PLB1: variants seen among roughly 807,000 people sequenced by gnomAD.
The protein encoded by PLB1 is phospholipase B1.
In PLB1, 242 loss-of-function variants were observed where a neutral mutation model predicts 227.4. The observed-to-expected ratio is 1.06, with a 90% confidence interval of 0.96 to 1.18. The LOEUF (loss-of-function observed/expected upper bound fraction) is 1.18. Among genes scored for constraint, PLB1 ranks in the 50% most tolerant of loss-of-function variants. PLB1 has a pLI of 0.00. For synonymous variants in PLB1, 757 were observed against 682.2 expected, an observed-to-expected ratio of 1.11 and a Z score of -1.71; for missense variants, 1,858 against 1,816.3, an observed-to-expected ratio of 1.02 and a Z score of -0.42.
At chr2:28,543,004 C>T (rs1192567151) in intron 13 of PLB1, among the ~76,000 whole-genome samples, 1 of 152,156 alleles carries the variant, frequency 6.6e-6, no homozygotes, top group Non-Finnish European at 1.5e-5. Flanking sequence ...CCTGACGTGC[C>T]ACCTGCTCCT....
chr2:28,505,860 A>G (rs2148160744), intron 1 of PLB1, among the ~76,000 whole-genome samples: 1 of 152,284 alleles, frequency 6.6e-6, no homozygotes, highest in Non-Finnish European at 1.5e-5. Context: ...TTGGTGGCAT[A>G]GCCATCCCCG....
chr2:28,565,345 G>A lies in PLB1; in HGVS notation c.1272G>A (p.Leu424=), dbSNP rs2148242019. 6.2e-7 allele frequency: 1 copy of A among 1,607,412 alleles called. No homozygotes were observed. The highest frequency in any genetic ancestry group is 8.5e-7 in the Non-Finnish European group (1 of 1,177,192). The part of the protein sequence containing the change: ...VLDVLTQYRG[L]SWSVGGDENI... Reference sequence around the variant, plus strand: ...ACGTCTTGACTCAGTACCGAGGCCTGTCCTGGAGGTGAGTGAGGGTGTGGC... The same window carrying A: ...ACGTCTTGACTCAGTACCGAGGCCTATCCTGGAGGTGAGTGAGGGTGTGGC... Residue 424 remains leucine, a synonymous_variant, in exon 19 of 58, where the codon CTG becomes CTA. Transcript: ENST00000327757.
Position 28,590,002 on chromosome 2 carries a change from TAGCTGG to T in PLB1, c.2018_2023del (p.Leu673_Glu674del), listed in dbSNP as rs1320468605. On this transcript the variant is annotated splice_acceptor_variant and coding_sequence_variant, in exon 29 of 58. Transcript: ENST00000327757. LOFTEE classifies it high-confidence loss of function. Reference sequence around the variant, plus strand: ...CTCCCCATCTCCCTGCTTCTTTGTTTAGCTGGAGCCTGTTGGCCAGAAGACGACTCG... The same window carrying T: ...CTCCCCATCTCCCTGCTTCTTTGTTTAGCCTGTTGGCCAGAAGACGACTCG... 6.2e-7 allele frequency: 1 copy of T among 1,613,088 alleles called. No individual in the cohort carries two copies. The highest frequency in any genetic ancestry group is 1.1e-5 in the South Asian group (1 of 91,060).
chr2:28,539,282 A>G (rs1250316186), intron 11 of PLB1, 104 bp downstream of exon 11: 7 of 1,067,298 alleles, frequency 6.6e-6, no homozygotes, highest in Non-Finnish European at 1.0e-5. Context: ...AGCCCTAAAG[A>G]ACAGAGGCCA....
At chr2:28,498,766 A>G (rs116747207) in intron 1 of PLB1, among the ~76,000 whole-genome samples, 177 of 152,322 alleles carry the variant, frequency 1.2e-3, no homozygotes, top group African/African-American at 4.1e-3. Context: ...GTAGCTTTAT[A>G]TTAACTTCTG....
intron 6 of PLB1, among the ~76,000 whole-genome samples, chr2:28,527,185 C>T (rs1558673323): frequency 6.6e-6 from 1 of 152,206 alleles, no homozygotes; most frequent in Non-Finnish European, 1.5e-5. Flanking sequence ...CTCAGTTCGT[C>T]TCAATTTTTC....
chr2:28,543,798 A>C (rs1258855530), intron 14 of PLB1, among the ~76,000 whole-genome samples: 2 of 152,186 alleles, frequency 1.3e-5, no homozygotes, highest in African/African-American at 4.8e-5. Flanking sequence ...CAACATATCT[A>C]GCGCGCAGCT....
At chr2:28,607,119 A>C (rs1357841188) in intron 43 of PLB1, among the ~76,000 whole-genome samples, 1 of 152,070 alleles carries the variant, frequency 6.6e-6, no homozygotes, top group Non-Finnish European at 1.5e-5. Flanking sequence ...CCTTTTAAGG[A>C]GGAATCCGTA....
At chr2:28,596,522 C>T (rs78132399) in intron 33 of PLB1, among the ~76,000 whole-genome samples, 6,945 of 152,212 alleles carry the variant, frequency 0.046, 507 homozygotes, top group African/African-American at 0.16. Context: ...ATGTTTATAT[C>T]TTTATTGAAG....
In PLB1 at chr2:28,620,869, T is replaced by G. The variant is rs1460884108; in HGVS notation, c.3428-10T>G. ...ACCTGTGCTCTTCTCCTCCTCCTCC[T>G]CCTCTAAAGACATTCTGAAGAAGTT... is the stretch of plus-strand genomic sequence containing the variant. On this transcript the variant is annotated splice_polypyrimidine_tract_variant and intron_variant, in intron 48 of 57. Transcript: ENST00000327757. The G allele has an allele frequency of 6.2e-7, 1 of 1,608,982 alleles. No individual in the cohort carries two copies. Among genetic ancestry groups the G allele is most frequent in the African/African-American group, 1.3e-5 (1 of 74,826 alleles).
intron 20 of PLB1, 122 bp downstream of exon 20, chr2:28,566,961 C>T (rs1402194319): frequency 6.1e-6 from 7 of 1,150,432 alleles, no homozygotes; most frequent in African/African-American, 4.6e-5. Flanking sequence ...CTAAATTCAC[C>T]AGGGGGCGCT....
intron 19 of PLB1, 45 bp from the exon 20 acceptor site, chr2:28,566,751 C>G: frequency 1.9e-6 from 3 of 1,607,176 alleles, no homozygotes; most frequent in Non-Finnish European, 2.6e-6. Flanking sequence ...CTCGGCGTGG[C>G]TGGGATTTTA....
intron 17 of PLB1, among the ~76,000 whole-genome samples, chr2:28,561,060 C>T (rs1220440144): frequency 6.6e-6 from 1 of 152,226 alleles, no homozygotes; most frequent in Non-Finnish European, 1.5e-5. Context: ...TGCTGTGACC[C>T]CCTCCTCAGG....
intron 9 of PLB1, among the ~76,000 whole-genome samples, chr2:28,534,492 A>C (rs184362495): frequency 6.6e-6 from 1 of 152,324 alleles, no homozygotes; most frequent in Admixed American, 6.5e-5. Flanking sequence ...AGATTTTTGC[A>C]TCATTTCTAT....
At chr2:28,516,955 G>A in intron 2 of PLB1, 86 bp downstream of exon 2, 1 of 1,369,428 alleles carries the variant, frequency 7.3e-7, no homozygotes, top group Non-Finnish European at 1.0e-6. Context: ...AAGTTTTGGT[G>A]CAAGTTGACA....
chr2:28,599,604 C>T (rs570429830), intron 35 of PLB1, among the ~76,000 whole-genome samples: 2 of 152,318 alleles, frequency 1.3e-5, no homozygotes, highest in South Asian at 4.1e-4. Flanking sequence ...GAAATCTATT[C>T]CTTCCATAAA....
At chr2:28,606,095 C>T (rs1235113857) in intron 42 of PLB1, 147 bp downstream of exon 42, 9 of 666,858 alleles carry the variant, frequency 1.3e-5, no homozygotes, top group Admixed American at 2.8e-5. Flanking sequence ...ATGCGGAGTC[C>T]TTAAGAGTCT....
intron 21 of PLB1, among the ~76,000 whole-genome samples, chr2:28,576,200 C>T (rs972951555): frequency 1.3e-5 from 2 of 152,172 alleles, no homozygotes; most frequent in East Asian, 1.9e-4. Context: ...TCCCGTATTA[C>T]AATCGAAGAA....
intron 56 of PLB1, among the ~76,000 whole-genome samples, chr2:28,636,325 A>G (rs1689357487): frequency 6.6e-6 from 1 of 152,182 alleles, no homozygotes; most frequent in African/African-American, 2.4e-5. Flanking sequence ...CGGCCTCCCA[A>G]AGTGCTGGGA....
Sources: allele counts gnomAD v4.1 joint callset (sites outside exome capture counted in the v4.1 genomes callset), GRCh38; gene constraint gnomAD v4.1.1; transcripts MANE v1.5; gene names NCBI Gene and HGNC (gene_info 2026-07-23, HGNC 2026-07-21).